Variants in PCSK4 observed in about 807,000 individuals in gnomAD.
The protein encoded by PCSK4 is testicular tissue protein Li 135.
Under a neutral mutation model 80.3 loss-of-function variants are expected in PCSK4, and 64 were observed. The observed-to-expected ratio is 0.80, with a 90% CI of 0.65 to 0.98. The LOEUF (loss-of-function observed/expected upper bound fraction) is 0.98, where lower values mean the gene tolerates loss of function less well. PCSK4 is among the 50% of genes least tolerant of loss of function. The probability of loss-of-function intolerance (pLI) is 0.00; values close to 1 mark genes in which losing one functional copy is unlikely to be tolerated. For synonymous variants in PCSK4, 561 were observed against 487.6 expected (o/e 1.15, Z -1.98); for missense variants, 1,213 against 1,093.6 (o/e 1.11, Z -1.54).
chr19:1,486,444 C>T (rs1038630426), intron 8 of PCSK4, among the ~76,000 whole-genome samples: 5 of 151,978 alleles, frequency 3.3e-5, no homozygotes, highest in African/African-American at 1.2e-4. Flanking sequence ...CTACAGGCGC[C>T]CACCACCACG....
chr19:1,488,879 C>A (rs540508092), intron 2 of PCSK4, among the ~76,000 whole-genome samples: 1 of 152,332 alleles, frequency 6.6e-6, no homozygotes, highest in South Asian at 2.1e-4. Context: ...CCACGCCAGG[C>A]CTGGCTTCTC....
intron 8 of PCSK4, among the ~76,000 whole-genome samples, chr19:1,484,586 G>A (rs953492727): frequency 6.6e-6 from 1 of 151,864 alleles, no homozygotes; most frequent in African/African-American, 2.4e-5. Flanking sequence ...GGGAGGCCGA[G>A]GTGGGTGGAT....
chr19:1,483,834 G>T lies in PCSK4; in HGVS notation c.1273+4C>A. 5 of 1,489,562 alleles carry T rather than the reference G, an allele frequency of 3.4e-6. No individual in the cohort carries two copies. The highest frequency in any genetic ancestry group is 4.4e-6 in the Non-Finnish European group (5 of 1,129,146). 92.3% of individuals were successfully genotyped at this position (1,489,562 alleles called of 1,614,324 possible). A position where few individuals can be genotyped will look rare whatever the true frequency, so the allele number is the denominator to read the frequency against. On this transcript the variant is annotated splice_donor_region_variant and intron_variant, in intron 10 of 14. Transcript: ENST00000300954. ...GTCCCCGCCCCCGCCCGGCCCCGCCGCACCTTGGCGCCCCACGCCGTTGGT... is the reference window on the plus strand; with the variant it reads ...GTCCCCGCCCCCGCCCGGCCCCGCCTCACCTTGGCGCCCCACGCCGTTGGT...
exon 8 of PCSK4, chr19:1,487,051 C>G (rs1335523771): frequency 2.5e-6 from 4 of 1,606,082 alleles, no homozygotes; most frequent in African/African-American, 1.3e-5. Flanking sequence ...AGAGCGTGCC[C>G]AGCCCGCCGC....
Position 1,489,641 on chromosome 19 carries a change from C to G in PCSK4, c.294+152G>C, listed in dbSNP as rs2084832533. 18 of 1,359,880 alleles carry G rather than the reference C, an allele frequency of 1.3e-5. No individual in the cohort carries two copies. The South Asian group carries it at 2.4e-4, about 18-fold the overall frequency. The allele number at this position is 1,359,880 out of a possible 1,614,324, so 84.2% of individuals were successfully genotyped here. A position where few individuals can be genotyped will look rare whatever the true frequency, so the allele number is the denominator to read the frequency against. On this transcript the variant is annotated intron_variant, in intron 2 of 14. Coordinates refer to ENST00000300954, the Ensembl canonical transcript of PCSK4. ...TTCCGTATCTGGGTCTTCCTGCCTC[C>G]TCTTGCTGTATAGACTTGGGGCCCG...
chr19:1,490,290 G>A, exon 1 of PCSK4: 2 of 1,583,582 alleles, frequency 1.3e-6, no homozygotes, highest in Non-Finnish European at 1.7e-6. Flanking sequence ...CCCGGGGGCG[G>A]ACAAGGGCCA....
chr19:1,486,270 C>T (rs1006970296), intron 8 of PCSK4, among the ~76,000 whole-genome samples: 2 of 151,804 alleles, frequency 1.3e-5, no homozygotes, highest in Non-Finnish European at 2.9e-5. Flanking sequence ...AGCCACTGTG[C>T]TTGGCCTGGA....
At chr19:1,489,734 G>A in intron 2 of PCSK4, 59 bp downstream of exon 2, 1 of 1,552,208 alleles carries the variant, frequency 6.4e-7, no homozygotes, top group Non-Finnish European at 8.7e-7. Flanking sequence ...AAGATGGCTG[G>A]TGGCCCCAGG....
intron 2 of PCSK4, 76 bp from the exon 3 acceptor site, chr19:1,488,356 C>A: frequency 9.0e-7 from 1 of 1,108,062 alleles, no homozygotes; most frequent in Non-Finnish European, 1.3e-6. Flanking sequence ...AGTGAGGCAG[C>A]CCCGTGCCCT....
chr19:1,482,326 A>G, intron 14 of PCSK4, 27 bp downstream of exon 14: 1 of 1,535,780 alleles, frequency 6.5e-7, no homozygotes, highest in Non-Finnish European at 8.7e-7. Flanking sequence ...GCCTCCCAGC[A>G]GTGGGCCCTG....
chr19:1,482,044 G>A (rs760031408), exon 15 of PCSK4: 41 of 1,559,242 alleles, frequency 2.6e-5, no homozygotes, highest in Non-Finnish European at 2.9e-5. Context: ...TCGGGGAGCC[G>A]CCGCGGCAGG....
At chr19:1,490,057 G>C (rs1038133230) in intron 1 of PCSK4, 101 bp downstream of exon 1, 2 of 1,529,692 alleles carry the variant, frequency 1.3e-6, no homozygotes, top group African/African-American at 1.4e-5. Flanking sequence ...TGGGACTCTT[G>C]ATATTTAGAA....
chr19:1,485,144 T>C (rs1024684119), intron 8 of PCSK4, among the ~76,000 whole-genome samples: 1 of 150,482 alleles, frequency 6.6e-6, no homozygotes, highest in African/African-American at 2.5e-5. Context: ...TGAGACTCTG[T>C]CTCAAAAAAA....
At chr19:1,486,607 T>C (rs1206758307) in intron 8 of PCSK4, among the ~76,000 whole-genome samples, 2 of 151,856 alleles carry the variant, frequency 1.3e-5, no homozygotes, top group Admixed American at 6.6e-5. Flanking sequence ...TTTTTTTTTG[T>C]AGTTTTAGTA....
chr19:1,487,270 G>A (rs774494334), exon 7 of PCSK4: 1 of 1,601,772 alleles, frequency 6.2e-7, no homozygotes, highest in Non-Finnish European at 8.5e-7. Context: ...TCAGCGACTG[G>A]GCCTCGATGA....
At position 1,481,953 on chromosome 19, in the gene PCSK4, G is replaced by A. The variant is rs368826331; in HGVS notation, c.2074C>T (p.Arg692Cys). ...CAGGCGGCAGCTCTAAGCCGGGGGC[G>A]GCTGTCGGGGGTGGTGGGTCCCATG... Residue 692 changes from arginine (R) to cysteine (C), a missense_variant, in exon 15 of 15, where the codon CGC becomes TGC. By Grantham distance (180) the Arg-to-Cys change is radical. Transcript: ENST00000300954. The A allele has an allele frequency of 1.2e-4, 184 of 1,594,708 alleles. 1 individual carries two copies. The highest frequency in any genetic ancestry group is 5.7e-4 in the South Asian group (51 of 89,502).
intron 13 of PCSK4, 46 bp from the exon 14 acceptor site, chr19:1,482,521 G>A (rs746554978): frequency 8.9e-6 from 14 of 1,573,748 alleles, no homozygotes; most frequent in Admixed American, 3.4e-5. Flanking sequence ...GGAGGCTCTC[G>A]GCAGCCTGGT....
intron 6 of PCSK4, 107 bp from the exon 7 acceptor site, chr19:1,487,420 T>C: frequency 9.4e-7 from 1 of 1,059,876 alleles, no homozygotes; most frequent in Non-Finnish European, 1.4e-6. Flanking sequence ...CTGGGCCCTC[T>C]CTCTGCTCCC....
At chr19:1,489,132 T>G (rs2145435488) in intron 2 of PCSK4, among the ~76,000 whole-genome samples, 1 of 145,618 alleles carries the variant, frequency 6.9e-6, no homozygotes, top group South Asian at 2.2e-4. Context: ...GCCTCCTACT[T>G]TTTTTTTTTT....
Sources: allele counts gnomAD v4.1 joint callset (sites outside exome capture counted in the v4.1 genomes callset), GRCh38; gene constraint gnomAD v4.1.1; transcripts MANE v1.5; gene names NCBI Gene and HGNC (gene_info 2026-07-23, HGNC 2026-07-21).